The following SHANK2 variants were observed in gnomAD, a reference collection of about 807,000 sequenced individuals.
SHANK2 encodes SH3 and multiple ankyrin repeat domains protein 2.
In SHANK2, 43 loss-of-function variants were observed where a neutral mutation model predicts 133.7. That is an observed-to-expected ratio of 0.32 (90% CI 0.25 to 0.41). SHANK2 has a LOEUF of 0.41. Among genes scored for constraint, SHANK2 ranks in the 10% least tolerant of loss-of-function variants. SHANK2 has a pLI of 1.00. For missense variants in SHANK2, 1,994 were observed against 2,235.8 expected (o/e 0.89, Z 2.18); for synonymous variants, 1,017 against 952.8 (o/e 1.07, Z -1.24).
At position 70,755,411 on chromosome 11, in the gene SHANK2, G is replaced by A. The variant is rs532658401; in HGVS notation, c.1777+43032C>T. ...TTCCTGTGGGTGTCCACCCTCCAGG[G>A]GCTTCCTGCAGAAACTGTGTGCAGG... is the stretch of plus-strand genomic sequence containing the variant. On this transcript the variant is annotated intron_variant, in intron 14 of 25. Coordinates refer to ENST00000601538, the MANE Select transcript of SHANK2 (RefSeq NM_012309.5). Among the ~76,000 whole-genome samples the A allele has an allele frequency of 8.5e-5, 13 of 152,334 alleles. No individual in the cohort carries two copies. The East Asian group carries it at 2.1e-3, about 25-fold the overall frequency.
chr11:70,499,363 G>C (rs2059017560), intron 21 of SHANK2, among the ~76,000 whole-genome samples: 1 of 152,220 alleles, frequency 6.6e-6, no homozygotes, highest in African/African-American at 2.4e-5. Flanking sequence ...TGCTCAGACG[G>C]GAGGTGGATC....
At chr11:70,586,604 C>G (rs2060256699) in intron 17 of SHANK2, among the ~76,000 whole-genome samples, 1 of 152,224 alleles carries the variant, frequency 6.6e-6, no homozygotes. Flanking sequence ...GACGCAGACT[C>G]TCAGTACAGA....
chr11:70,571,249 C>A (rs11825752), intron 17 of SHANK2: 7,133 of 152,298 alleles, frequency 0.047, 231 homozygotes, highest in East Asian at 0.095. Context: ...CTCCCCGCTG[C>A]GGGCCAAGGA....
chr11:70,525,822 G>A (rs542147245), intron 17 of SHANK2, among the ~76,000 whole-genome samples: 10 of 151,986 alleles, frequency 6.6e-5, no homozygotes, highest in Non-Finnish European at 1.5e-4. Flanking sequence ...TTTTGTGGAG[G>A]TGATGGCGGG....
At chr11:70,831,458 C>A (rs1948723835) in intron 11 of SHANK2, among the ~76,000 whole-genome samples, 1 of 152,168 alleles carries the variant, frequency 6.6e-6, no homozygotes, top group Admixed American at 6.5e-5. Context: ...GTGCCTGGCC[C>A]TTGGTGCTTC....
At chr11:70,637,278 G>A (rs1293912468) in intron 17 of SHANK2, among the ~76,000 whole-genome samples, 2 of 152,132 alleles carry the variant, frequency 1.3e-5, no homozygotes, top group African/African-American at 4.8e-5. Context: ...GTGAGGGCAG[G>A]GCCTGCTCTT....
At position 70,947,697 on chromosome 11, in the gene SHANK2, A is replaced by G. The variant is rs145107032; in HGVS notation, c.1108-51130T>C. On this transcript the variant is annotated intron_variant, in intron 10 of 25. Coordinates refer to ENST00000601538, the MANE Select transcript of SHANK2 (RefSeq NM_012309.5). ...CTACATTTTAAAAAATTATAGTTAC[A>G]TATAAATACCCATGTGCGTCCTGTG... Among the ~76,000 whole-genome samples, 843 of 152,280 alleles carry G rather than the reference A, an allele frequency of 5.5e-3. 6 individuals carry two copies. The highest frequency in any genetic ancestry group is 0.019 in the African/African-American group (803 of 41,554).
At chr11:70,879,143 C>T (rs1187734639) in intron 11 of SHANK2, among the ~76,000 whole-genome samples, 2 of 152,210 alleles carry the variant, frequency 1.3e-5, no homozygotes, top group Admixed American at 6.5e-5. Context: ...GAATTGGGGA[C>T]CAGAATCCCA....
chr11:71,210,218 A>G lies in SHANK2; in HGVS notation c.-13+14479T>C, dbSNP rs1276980289. ...TCATTGGAAATCCACAGGTATATAT[A>G]TATATATATATATATATATATATAT... On this transcript the variant is annotated intron_variant, in intron 2 of 25. Transcript: ENST00000601538. Among the ~76,000 whole-genome samples the G allele has an allele frequency of 1.4e-3, 74 of 52,198 alleles. 2 individuals are homozygous for G. The highest frequency in any genetic ancestry group is 5.6e-3 in the East Asian group (10 of 1,774). The allele number at this position is 52,198 out of a possible 152,430, so 34.2% of individuals were successfully genotyped here. A position where few individuals can be genotyped will look rare whatever the true frequency, so the allele number is the denominator to read the frequency against.
intron 14 of SHANK2, among the ~76,000 whole-genome samples, chr11:70,768,110 C>A (rs192924383): frequency 4.0e-4 from 61 of 152,292 alleles, no homozygotes; most frequent in African/African-American, 1.4e-3. Flanking sequence ...CTGTTTCCTT[C>A]TCTGTAAAGT....
intron 17 of SHANK2, among the ~76,000 whole-genome samples, chr11:70,632,974 G>A (rs926586370): frequency 6.6e-5 from 10 of 151,978 alleles, no homozygotes; most frequent in Non-Finnish European, 1.5e-4. Flanking sequence ...ACGGGGCAGG[G>A]GGACAAGGAC....
At position 70,698,690 on chromosome 11, in the gene SHANK2, G is replaced by A; in HGVS notation, c.1851C>T (p.Ser617=). The A allele has an allele frequency of 1.4e-6, 1 of 718,658 alleles. No homozygotes were observed. The highest frequency in any genetic ancestry group is 1.7e-5 in the African/African-American group (1 of 57,400). The allele number at this position is 718,658 out of a possible 1,614,324, so 44.5% of individuals were successfully genotyped here. A position where few individuals can be genotyped will look rare whatever the true frequency, so the allele number is the denominator to read the frequency against. The part of the protein sequence containing the change: ...TVGSYDSFDT[S]SDCIIEEKTV... ...GAAGAGAAAGCAGCGCGTCTTACCT[G>A]GAAGTGTCGAAGCTGTCATAGGAGC... Residue 617 remains serine (S), a splice_region_variant and synonymous_variant, in exon 15 of 26, where the codon TCC becomes TCT. Coordinates refer to ENST00000601538, the MANE Select transcript of SHANK2 (RefSeq NM_012309.5).
intron 10 of SHANK2, chr11:70,942,914 G>T (rs1950667890): frequency 2.2e-5 from 10 of 454,478 alleles, no homozygotes; most frequent in South Asian, 1.4e-4. Flanking sequence ...CTGGTGCTGG[G>T]TGCCAGGAGA....
intron 15 of SHANK2, among the ~76,000 whole-genome samples, chr11:70,673,933 A>C (rs532967489): frequency 6.6e-6 from 1 of 152,356 alleles, no homozygotes; most frequent in Non-Finnish European, 1.5e-5. Context: ...TGTCCCCTCC[A>C]AATCCCATGG....
chr11:71,221,521 G>T (rs1159266933), intron 2 of SHANK2, among the ~76,000 whole-genome samples: 1 of 152,184 alleles, frequency 6.6e-6, no homozygotes, highest in Non-Finnish European at 1.5e-5. Flanking sequence ...TCATTAGGGG[G>T]TGCCTGATTA....
chr11:71,223,149 T>G (rs1954584647), intron 2 of SHANK2, among the ~76,000 whole-genome samples: 1 of 152,208 alleles, frequency 6.6e-6, no homozygotes, highest in Admixed American at 6.5e-5. Flanking sequence ...ACGGGATTGG[T>G]GAGCTGTAGA....
chr11:71,074,250 C>T (rs1951189540), intron 9 of SHANK2, among the ~76,000 whole-genome samples: 1 of 152,318 alleles, frequency 6.6e-6, no homozygotes, highest in South Asian at 2.1e-4. Flanking sequence ...GAGAAACAAA[C>T]TTACCCGTTT....
In SHANK2 at chr11:70,656,957, C is replaced by T. The variant is rs560078418; in HGVS notation, c.2061+2871G>A. 1.8e-3 allele frequency among the ~76,000 whole-genome samples: 272 copies of T among 152,262 alleles called. 1 individual carries two copies. Among genetic ancestry groups the T allele is most frequent in the Non-Finnish European group, 3.4e-3 (230 of 68,028 alleles). On this transcript the variant is annotated intron_variant, in intron 17 of 25. Coordinates refer to ENST00000601538, the MANE Select transcript of SHANK2 (RefSeq NM_012309.5). Reference sequence around the variant, plus strand: ...AGGAAATCATGACAGGCACCAAGGCCGAGAGCCGGATGGCCACGTCGGGGC... The same window carrying T: ...AGGAAATCATGACAGGCACCAAGGCTGAGAGCCGGATGGCCACGTCGGGGC...
At chr11:71,194,330 C>T (rs1953855035) in intron 2 of SHANK2, among the ~76,000 whole-genome samples, 5 of 152,150 alleles carry the variant, frequency 3.3e-5, no homozygotes, top group Admixed American at 3.3e-4. Context: ...GCATCAGTGC[C>T]GCGTGTGACA....
Sources: gnomAD v4.1 joint callset for allele counts (sites outside exome capture counted in the v4.1 genomes callset) on GRCh38, gnomAD v4.1.1 for gene constraint, MANE v1.5 for transcripts, NCBI Gene and HGNC (gene_info 2026-07-23, HGNC 2026-07-21) for gene names.